Variants in RRAS2 observed in about 807,000 individuals in gnomAD.
The protein encoded by RRAS2 is ras-related protein R-Ras2.
Under a neutral mutation model 27.6 loss-of-function variants are expected in RRAS2, and 7 were observed. The ratio of observed to expected loss-of-function variants is 0.25; its 90% CI spans 0.14 to 0.48. The LOEUF (loss-of-function observed/expected upper bound fraction) is 0.48. Among genes scored for constraint, RRAS2 ranks in the 20% least tolerant of loss-of-function variants. The pLI is 0.99. For missense variants in RRAS2, 178 were observed against 256.2 expected (o/e 0.69, Z 2.08); for synonymous variants, 86 against 90.9 (o/e 0.95, Z 0.31).
At chr11:14,354,536 G>C (rs188567755) in intron 1 of RRAS2, 2 of 152,258 alleles carry the variant, frequency 1.3e-5, no homozygotes, top group Admixed American at 1.3e-4. Context: ...GTTGAGCCAG[G>C]AAGGAGAGGG....
chr11:14,293,763 T>C (rs1554946154), intron 4 of RRAS2, among the ~76,000 whole-genome samples: 1 of 152,186 alleles, frequency 6.6e-6, no homozygotes, highest in Non-Finnish European at 1.5e-5. Flanking sequence ...TATGTCCTTT[T>C]AGCAGCATGA....
chr11:14,324,136 A>G (rs1187730158), intron 1 of RRAS2, among the ~76,000 whole-genome samples: 1 of 152,042 alleles, frequency 6.6e-6, no homozygotes, highest in Non-Finnish European at 1.5e-5. Flanking sequence ...CAAATTTTTA[A>G]GAATATATTT....
At chr11:14,334,334 T>C (rs1405921003) in intron 1 of RRAS2, among the ~76,000 whole-genome samples, 1 of 152,198 alleles carries the variant, frequency 6.6e-6, no homozygotes, top group African/African-American at 2.4e-5. Flanking sequence ...AAAATGTTTA[T>C]TGATTTGTTT....
intron 1 of RRAS2, among the ~76,000 whole-genome samples, chr11:14,312,958 T>C (rs1848009820): frequency 6.6e-6 from 1 of 152,198 alleles, no homozygotes. Flanking sequence ...TCTCTGAAAG[T>C]GGCTGTCTAT....
chr11:14,309,024 A>G (rs1554948483), intron 1 of RRAS2, among the ~76,000 whole-genome samples: 1 of 152,236 alleles, frequency 6.6e-6, no homozygotes, highest in African/African-American at 2.4e-5. Flanking sequence ...AAAACTGAGT[A>G]TTCAAAAATT....
At chr11:14,359,317 T>G, upstream of RRAS2, 1 of 280,862 alleles carries the variant, frequency 3.6e-6, no homozygotes, top group Non-Finnish European at 5.4e-6. Context: ...CTCTAATCCC[T>G]AGCCAGTGAG....
intron 1 of RRAS2, among the ~76,000 whole-genome samples, chr11:14,331,561 G>A (rs1848481150): frequency 6.6e-6 from 1 of 151,862 alleles, no homozygotes; most frequent in South Asian, 2.1e-4. Context: ...GTTCTGGCCT[G>A]GGCATGGTGG....
intron 1 of RRAS2, among the ~76,000 whole-genome samples, chr11:14,354,197 CAATGCTGGGTCCAGACT>C (rs1355063644): frequency 2.0e-5 from 3 of 152,108 alleles, no homozygotes; most frequent in Non-Finnish European, 4.4e-5. Flanking sequence ...TTTTAAAAAG[CAATGCTGGGTCCAGACT>C]AACAGGTCAT....
At chr11:14,357,391 C>T (rs778597402) in intron 1 of RRAS2, among the ~76,000 whole-genome samples, 2 of 152,110 alleles carry the variant, frequency 1.3e-5, no homozygotes, top group South Asian at 2.1e-4. Flanking sequence ...TCTCTCTGCG[C>T]CCTAGGGAAA....
chr11:14,356,239 C>A (rs1445506777), intron 1 of RRAS2, among the ~76,000 whole-genome samples: 2 of 152,076 alleles, frequency 1.3e-5, no homozygotes, highest in Admixed American at 6.6e-5. Flanking sequence ...ATCACAGGTC[C>A]CAAATCAACT....
chr11:14,341,160 C>T (rs1235441814), intron 1 of RRAS2, among the ~76,000 whole-genome samples: 1 of 152,084 alleles, frequency 6.6e-6, no homozygotes, highest in Non-Finnish European at 1.5e-5. Context: ...AAAATCTTCT[C>T]GGTCCAAAAG....
intron 5 of RRAS2, among the ~76,000 whole-genome samples, chr11:14,281,392 A>G (rs1052085845): frequency 6.6e-6 from 1 of 152,176 alleles, no homozygotes; most frequent in Non-Finnish European, 1.5e-5. Flanking sequence ...TGGAAGCAGC[A>G]TTTATTCTTA....
chr11:14,280,181 T>C (rs907228105), intron 5 of RRAS2, among the ~76,000 whole-genome samples: 1 of 152,162 alleles, frequency 6.6e-6, no homozygotes, highest in Non-Finnish European at 1.5e-5. Flanking sequence ...TTTTTAAGTA[T>C]ACAATTTGAT....
chr11:14,352,756 T>TAGAGAGAGAGAGAGAGAGAGAGGGGGAG, intron 1 of RRAS2, among the ~76,000 whole-genome samples: 1 of 128,678 alleles, frequency 7.8e-6, no homozygotes, highest in East Asian at 2.2e-4. Context: ...TATATATATA[T>TAGAGAGAGAGAGAGAGAGAGAGGGGGAG]AGAGAGAGAG....
chr11:14,285,521 T>C (rs1232354585), intron 4 of RRAS2, among the ~76,000 whole-genome samples: 1 of 152,228 alleles, frequency 6.6e-6, no homozygotes, highest in African/African-American at 2.4e-5. Flanking sequence ...ATCCACATAA[T>C]TACCATCTCT....
At chr11:14,290,805 A>G (rs1470536941) in intron 4 of RRAS2, among the ~76,000 whole-genome samples, 1 of 152,242 alleles carries the variant, frequency 6.6e-6, no homozygotes, top group Non-Finnish European at 1.5e-5. Flanking sequence ...TAGAGAAAGT[A>G]AGTTTCAGGA....
In RRAS2 at chr11:14,294,582, TA is replaced by T. The variant is rs781788778; in HGVS notation, c.300-4del. On this transcript the variant is annotated splice_region_variant and splice_polypyrimidine_tract_variant and intron_variant, in intron 3 of 5. Coordinates refer to ENST00000256196, the MANE Select transcript of RRAS2 (RefSeq NM_012250.6). ...GAAACTTATAGATTTCTTCAAAACT[TA>T]AAAAAAAAAAATCAAAAACAAATTA... 0.072 allele frequency: 71,099 copies of T among 983,696 alleles called. No individual in the cohort carries two copies. The highest frequency in any genetic ancestry group is 0.12 in the South Asian group (5,625 of 48,538). 60.9% of individuals were successfully genotyped at this position (983,696 alleles called of 1,614,324 possible). A position where few individuals can be genotyped will look rare whatever the true frequency, so the allele number is the denominator to read the frequency against.
chr11:14,347,954 C>T (rs1848873627), intron 1 of RRAS2, among the ~76,000 whole-genome samples: 1 of 151,904 alleles, frequency 6.6e-6, no homozygotes, highest in Non-Finnish European at 1.5e-5. Context: ...ACACTTGGTG[C>T]AAAGGGAGGA....
intron 4 of RRAS2, among the ~76,000 whole-genome samples, chr11:14,290,084 T>C (rs1554945584): frequency 6.6e-6 from 1 of 152,174 alleles, no homozygotes; most frequent in East Asian, 1.9e-4. Context: ...CCTGTCCAAG[T>C]TGACTTGGTA....
Sources: allele counts gnomAD v4.1 joint callset (sites outside exome capture counted in the v4.1 genomes callset), GRCh38; gene constraint gnomAD v4.1.1; transcripts MANE v1.5; gene names NCBI Gene and HGNC (gene_info 2026-07-23, HGNC 2026-07-21).